Variants in RAD51B observed in about 807,000 individuals in gnomAD.
RAD51B encodes the protein DNA repair protein RAD51 homolog 2.
A neutral mutation model predicts 42.2 loss-of-function variants in RAD51B; 38 were observed. The ratio of observed to expected loss-of-function variants is 0.90; its 90% CI spans 0.70 to 1.18. RAD51B has a LOEUF of 1.18. Ranked by LOEUF, RAD51B falls within the 50% of genes most tolerant of loss-of-function variation. The pLI, the probability that RAD51B is intolerant of heterozygous loss-of-function variation, is 0.00. For synonymous variants in RAD51B, 154 were observed against 145.2 expected, an observed-to-expected ratio of 1.06 and a Z score of -0.43; for missense variants, 373 against 400.7, an observed-to-expected ratio of 0.93 and a Z score of 0.59.
intron 5 of RAD51B, among the ~76,000 whole-genome samples, chr14:67,874,047 C>G (rs2042641658): frequency 6.6e-6 from 1 of 151,534 alleles, no homozygotes; most frequent in African/African-American, 2.4e-5. Flanking sequence ...ATGTAACTAA[C>G]CTGCACATTG....
intron 7 of RAD51B, among the ~76,000 whole-genome samples, chr14:68,183,242 T>C (rs2079088701): frequency 6.6e-6 from 1 of 152,194 alleles, no homozygotes; most frequent in South Asian, 2.1e-4. Flanking sequence ...ACAGTGCAGC[T>C]TTCAGTCTGT....
At chr14:68,159,910 G>A (rs1185544180) in intron 7 of RAD51B, among the ~76,000 whole-genome samples, 1 of 152,034 alleles carries the variant, frequency 6.6e-6, no homozygotes, top group African/African-American at 2.4e-5. Context: ...TTGTCATTGG[G>A]TAGCCATGTG....
chr14:68,638,719 C>T (rs1233642678), intron 10 of RAD51B, among the ~76,000 whole-genome samples: 1 of 152,100 alleles, frequency 6.6e-6, no homozygotes, highest in East Asian at 1.9e-4. Flanking sequence ...CAAACCTGCG[C>T]AGCACTGCAG....
chr14:68,560,539 T>C (rs1276130241), intron 10 of RAD51B, among the ~76,000 whole-genome samples: 2 of 152,000 alleles, frequency 1.3e-5, no homozygotes, highest in South Asian at 4.1e-4. Flanking sequence ...AGTTCGAGAC[T>C]AGCCTGGCCA....
intron 10 of RAD51B, chr14:68,497,057 G>C (rs1266494866): frequency 1.5e-6 from 2 of 1,301,524 alleles, no homozygotes; most frequent in East Asian, 4.0e-5. Flanking sequence ...GCCTCAGTAG[G>C]CTTTATGCAA....
At chr14:68,441,264 C>T (rs956148051) in intron 9 of RAD51B, among the ~76,000 whole-genome samples, 3 of 151,940 alleles carry the variant, frequency 2.0e-5, no homozygotes, top group Non-Finnish European at 4.4e-5. Context: ...TAATTTAGGC[C>T]AGGCACGGTG....
chr14:68,488,257 C>A (rs1198529495), intron 10 of RAD51B, among the ~76,000 whole-genome samples: 8 of 141,330 alleles, frequency 5.7e-5, no homozygotes, highest in African/African-American at 1.9e-4. Context: ...AATGTGCATG[C>A]CAGACAGGTA....
At chr14:68,410,668 A>G (rs2084392569) in intron 8 of RAD51B, among the ~76,000 whole-genome samples, 1 of 152,166 alleles carries the variant, frequency 6.6e-6, no homozygotes, top group Non-Finnish European at 1.5e-5. Flanking sequence ...TCTATGCAGC[A>G]GGACTTGTTG....
intron 7 of RAD51B, among the ~76,000 whole-genome samples, chr14:67,960,042 G>A (rs1459149699): frequency 5.3e-5 from 8 of 151,444 alleles, no homozygotes; most frequent in South Asian, 2.1e-4. Flanking sequence ...CTGAGATCGC[G>A]CCACTGCGCT....
intron 8 of RAD51B, among the ~76,000 whole-genome samples, chr14:68,379,471 A>G (rs1358956450): frequency 3.9e-5 from 6 of 152,182 alleles, no homozygotes; most frequent in Admixed American, 6.5e-5. Flanking sequence ...CTTCCTGTCT[A>G]TGATCGGTGT....
intron 7 of RAD51B, among the ~76,000 whole-genome samples, chr14:68,289,836 T>C (rs1477696415): frequency 6.6e-6 from 1 of 152,230 alleles, no homozygotes; most frequent in Non-Finnish European, 1.5e-5. Context: ...CTTAGGTGAT[T>C]CTCACCAGTC....
chr14:67,978,266 A>T (rs1238971211), intron 7 of RAD51B, among the ~76,000 whole-genome samples: 3 of 152,172 alleles, frequency 2.0e-5, no homozygotes, highest in Non-Finnish European at 4.4e-5. Context: ...GAATATTTGA[A>T]TTAGAGAAAT....
chr14:67,996,455 A>T (rs1595227404), intron 7 of RAD51B, among the ~76,000 whole-genome samples: 1 of 149,560 alleles, frequency 6.7e-6, no homozygotes, highest in African/African-American at 2.5e-5. Context: ...AATAAATAAA[A>T]GATGTTCCAT....
At chr14:68,339,062 C>T in intron 8 of RAD51B, 1 of 675,346 alleles carries the variant, frequency 1.5e-6, no homozygotes. Flanking sequence ...CGTGTGCAGT[C>T]ATCACCAGCT....
intron 11 of RAD51B, among the ~76,000 whole-genome samples, chr14:68,651,380 C>T (rs1892695312): frequency 6.6e-6 from 1 of 152,070 alleles, no homozygotes; most frequent in Non-Finnish European, 1.5e-5. Flanking sequence ...GCCGTGTTGC[C>T]CAGGGTGGTC....
At chr14:68,511,466 C>T (rs1447889645) in intron 10 of RAD51B, among the ~76,000 whole-genome samples, 1 of 152,148 alleles carries the variant, frequency 6.6e-6, no homozygotes, top group Non-Finnish European at 1.5e-5. Flanking sequence ...TTGGTTAAGC[C>T]CGTATTATCT....
chr14:68,536,638 T>A (rs978370542), intron 10 of RAD51B, among the ~76,000 whole-genome samples: 4 of 152,218 alleles, frequency 2.6e-5, no homozygotes, highest in Non-Finnish European at 4.4e-5. Flanking sequence ...CTCTACAGCT[T>A]GAAGTTAATT....
intron 7 of RAD51B, among the ~76,000 whole-genome samples, chr14:68,099,654 A>G (rs1401396837): frequency 1.3e-5 from 2 of 152,216 alleles, no homozygotes; most frequent in Admixed American, 1.3e-4. Context: ...AAAAAAAAGA[A>G]AGAGCATTCC....
At chr14:68,631,724 C>T (rs1892231951) in intron 10 of RAD51B, among the ~76,000 whole-genome samples, 1 of 152,200 alleles carries the variant, frequency 6.6e-6, no homozygotes, top group Non-Finnish European at 1.5e-5. Flanking sequence ...GGTCTGTTCC[C>T]TCTGCTGGGA....
Sources: gnomAD v4.1 joint callset for allele counts (sites outside exome capture counted in the v4.1 genomes callset) on GRCh38, gnomAD v4.1.1 for gene constraint, MANE v1.5 for transcripts, NCBI Gene and HGNC (gene_info 2026-07-23, HGNC 2026-07-21) for gene names.